Variants in EMG1 observed in about 807,000 individuals in gnomAD.
EMG1 encodes the protein ribosomal RNA small subunit methyltransferase NEP1.
In EMG1, 24 loss-of-function variants were observed where a neutral mutation model predicts 26.9. The observed-to-expected ratio is 0.89, with a 90% CI of 0.65 to 1.26. The LOEUF (loss-of-function observed/expected upper bound fraction) is 1.26. EMG1 is among the 50% of genes most tolerant of loss of function. The probability of loss-of-function intolerance (pLI) is 0.00; values close to 1 mark genes in which losing one functional copy is unlikely to be tolerated. For missense variants in EMG1, 299 were observed against 307.6 expected (o/e 0.97, Z 0.21); for synonymous variants, 140 against 112.6 (o/e 1.24, Z -1.54).
At chr12:6,990,377 C>T (rs1434407145), downstream of EMG1, among the ~76,000 whole-genome samples, 5 of 148,288 alleles carry the variant, frequency 3.4e-5, no homozygotes, top group African/African-American at 5.0e-5. Flanking sequence ...GGTGTGGTGG[C>T]GGGCACCTGT....
Position 6,975,795 on chromosome 12 carries a change from T to TG in EMG1, c.727dup (p.Val243GlyfsTer26), listed in dbSNP as rs782102656. On this transcript the variant is annotated frameshift_variant, in exon 6 of 6. Transcript: ENST00000599672. LOFTEE classifies it high-confidence loss of function. ...ACTTACCACAGCCTTTGAGGAAGTA[T>TG]GGGGGGTCATTTGACAGTAGTAGAA... 1.5e-5 allele frequency: 24 copies of TG among 1,605,318 alleles called. No homozygotes were observed. The highest frequency in any genetic ancestry group is 2.7e-5 in the African/African-American group (2 of 74,734).
chr12:6,971,571 C>G (rs1249440355), intron 1 of EMG1, among the ~76,000 whole-genome samples: 6 of 152,158 alleles, frequency 3.9e-5, no homozygotes, highest in Non-Finnish European at 7.4e-5. Context: ...CCACTGTGCC[C>G]GGCCGGTAGT....
chr12:6,972,130 G>A (rs186410457), intron 1 of EMG1, among the ~76,000 whole-genome samples: 1 of 147,064 alleles, frequency 6.8e-6, no homozygotes, highest in African/African-American at 2.5e-5. Context: ...GCAGTGGCAC[G>A]ATCTTGGCTC....
chr12:6,989,313 GT>G (rs113013257), downstream of EMG1, among the ~76,000 whole-genome samples: 21,400 of 126,262 alleles, frequency 0.17, 2,100 homozygotes, highest in African/African-American at 0.38. Flanking sequence ...CAAAATGCGT[GT>G]TTTTTTTTTT....
intron 3 of EMG1, 179 bp downstream of exon 3, chr12:6,974,872 G>C: frequency 7.3e-6 from 6 of 821,442 alleles, no homozygotes; most frequent in Non-Finnish European, 1.2e-5. Context: ...TCCTGTTCTT[G>C]CAGTAGCTTC....
chr12:6,974,593 C>T lies in EMG1; in HGVS notation c.312C>T (p.Gly104=). 6.2e-7 allele frequency: 1 copy of T among 1,613,992 alleles called. No homozygotes were observed. The highest frequency in any genetic ancestry group is 1.1e-5 in the South Asian group (1 of 91,076). Residue 104 remains glycine, a synonymous_variant, in exon 3 of 6, where the codon GGC becomes GGT. Transcript: ENST00000599672. ...MLMDSPLNRA[G]LLQVYIHTQK... Reference sequence around the variant, plus strand: ...TGGATAGTCCCCTGAACCGAGCTGGCTTGCTACAGGTTTATATCCATACAC... The same window carrying T: ...TGGATAGTCCCCTGAACCGAGCTGGTTTGCTACAGGTTTATATCCATACAC...
At chr12:6,985,173 T>C (rs7977677) in intron 6 of EMG1, among the ~76,000 whole-genome samples, 18,132 of 145,762 alleles carry the variant, frequency 0.12, 1,725 homozygotes, top group African/African-American at 0.27. Context: ...GGGCGGATCA[T>C]GAGGACAGGA....
chr12:6,993,472 A>G (rs782005473), intron 7 of EMG1, among the ~76,000 whole-genome samples: 7 of 151,916 alleles, frequency 4.6e-5, no homozygotes, highest in African/African-American at 1.4e-4. Flanking sequence ...CATCCCCACT[A>G]TCTATCTAAT....
chr12:6,972,057 C>CT (rs1243560721), intron 1 of EMG1, among the ~76,000 whole-genome samples: 2 of 147,594 alleles, frequency 1.4e-5, no homozygotes, highest in Non-Finnish European at 3.0e-5. Context: ...AATCTTCGTT[C>CT]TAAATACACT....
Position 6,977,494 on chromosome 12 carries a change from A to G in EMG1, c.*1685A>G, listed in dbSNP as rs782459858. 7.4e-6 allele frequency: 12 copies of G among 1,614,220 alleles called. No homozygotes were observed. The African/African-American group carries it at 1.5e-4, about 20-fold the overall frequency. ...GACAGTAATGGCGGCCAGCTTGCTC[A>G]GGGTGGGGCTCTCTTGAATGAGCCT... On this transcript the variant is annotated 3_prime_UTR_variant, in exon 6 of 6. Coordinates refer to ENST00000599672, the MANE Select transcript of EMG1 (RefSeq NM_006331.8). The surrounding 1 kb of genome is among the most constrained non-coding windows in gnomAD (Gnocchi z 4.5).
chr12:6,975,216 T>C lies in EMG1; in HGVS notation c.472-13T>C. 6.2e-7 allele frequency: 1 copy of C among 1,613,938 alleles called. No homozygotes were observed. ...TGTTTCTGGGGCTGACTTTTCTCTC[T>C]TTTTTACTTTAGGTAATTAAGAATC... On this transcript the variant is annotated splice_polypyrimidine_tract_variant and intron_variant, in intron 4 of 5. Coordinates refer to ENST00000599672, the MANE Select transcript of EMG1 (RefSeq NM_006331.8).
At position 6,977,861 on chromosome 12, in the gene EMG1, T is replaced by C. The variant is rs1459250730; in HGVS notation, c.*2052T>C. On this transcript the variant is annotated 3_prime_UTR_variant, in exon 6 of 6. Transcript: ENST00000599672. The surrounding 1 kb of genome is among the most constrained non-coding windows in gnomAD (Gnocchi z 4.5). ...TGGAGTGCTGGTGGGTTCCCACGTG[T>C]AGCCCCCAGAGGGTACAGGAGGCAG... 1.1e-5 allele frequency: 14 copies of C among 1,231,422 alleles called. No homozygotes were observed. The highest frequency in any genetic ancestry group is 1.4e-5 in the Non-Finnish European group (12 of 854,100). 76.3% of individuals were successfully genotyped at this position (1,231,422 alleles called of 1,614,324 possible).
rs782057653 is a variant in EMG1 at position 6,977,202 on chromosome 12, G to A, written c.*1393G>A. 1 of 1,613,866 alleles carries A rather than the reference G, an allele frequency of 6.2e-7. No homozygotes were observed. ...GGCACCATTGCTTTGTGAATATAAGGCAATATGAATAGTAGGCTCAGGAAG... is the reference window on the plus strand; with the variant it reads ...GGCACCATTGCTTTGTGAATATAAGACAATATGAATAGTAGGCTCAGGAAG... On this transcript the variant is annotated 3_prime_UTR_variant, in exon 6 of 6. Transcript: ENST00000599672. This position sits in a 1 kb window ranked among gnomAD's most constrained non-coding sequence, Gnocchi z 4.5.
rs1946431615 is a variant in EMG1 at position 6,978,225 on chromosome 12, G to A, written c.*2416G>A. 2.4e-6 allele frequency: 3 copies of A among 1,227,790 alleles called. No homozygotes were observed. Among genetic ancestry groups the A allele is most frequent in the South Asian group, 1.5e-5 (1 of 66,550 alleles). The allele number at this position is 1,227,790 out of a possible 1,614,324, so 76.1% of individuals were successfully genotyped here. A position where few individuals can be genotyped will look rare whatever the true frequency, so the allele number is the denominator to read the frequency against. ...GGTCAAAGTCAGTGTGAGCGACAGG[G>A]GGTTCTGCCCAGATGGGAAAGACGC... On this transcript the variant is annotated 3_prime_UTR_variant, in exon 6 of 6. Coordinates refer to ENST00000599672, the MANE Select transcript of EMG1 (RefSeq NM_006331.8).
At chr12:6,972,497 G>A (rs781922646) in intron 1 of EMG1, among the ~76,000 whole-genome samples, 18 of 149,846 alleles carry the variant, frequency 1.2e-4, no homozygotes, top group Admixed American at 9.9e-4. Context: ...TCCAAAACTT[G>A]TATTTGTATA....
At chr12:6,988,201 C>T (rs1401769891) in exon 8 of EMG1, 1 of 172,004 alleles carries the variant, frequency 5.8e-6, no homozygotes, top group East Asian at 1.5e-4. Flanking sequence ...TGTTGAGTTC[C>T]AAACAGGTGA....
chr12:6,975,896 T>C lies in EMG1; in HGVS notation c.*87T>C. 3.7e-6 allele frequency: 3 copies of C among 807,174 alleles called. No homozygotes were observed. Among genetic ancestry groups the C allele is most frequent in the Non-Finnish European group, 6.5e-6 (3 of 464,786 alleles). 50.0% of individuals were successfully genotyped at this position (807,174 alleles called of 1,614,324 possible). On this transcript the variant is annotated 3_prime_UTR_variant, in exon 6 of 6. Transcript: ENST00000599672. ...GAGCTGACTGCTGGAAGATGATCTTTCTGCACTGAGACTGTGGAGTTTGGG... is the reference window on the plus strand; with the variant it reads ...GAGCTGACTGCTGGAAGATGATCTTCCTGCACTGAGACTGTGGAGTTTGGG...
At position 6,987,600 on chromosome 12, in the gene EMG1, G is replaced by T. The variant is rs1416227041; in HGVS notation, c.*155-182G>T. Among the ~76,000 whole-genome samples the T allele has an allele frequency of 4.0e-5, 6 of 151,796 alleles. 1 individual carries two copies. On this transcript the variant is annotated intron_variant and NMD_transcript_variant, in intron 6 of 7. Coordinates refer to the EMG1 transcript ENST00000261406. This position sits in a 1 kb window ranked among gnomAD's most constrained non-coding sequence, Gnocchi z 4.1. ...ATTTTTACTTTTGTTTTAGTAACGGGGTATAAATAAAAAAATATAAAACAG... is the reference window on the plus strand; with the variant it reads ...ATTTTTACTTTTGTTTTAGTAACGGTGTATAAATAAAAAAATATAAAACAG...
rs1343426563 is a variant in EMG1 at position 6,975,106 on chromosome 12, G to A, written c.429G>A (p.Lys143=). Residue 143 remains lysine, a synonymous_variant, in exon 4 of 6, where the codon AAG becomes AAA. Transcript: ENST00000599672. ...CCCTTCTAGTTCAACTTTTACACAA[G>A]CTCAGTGTTCGAGCAGCTGATGGCC... ...FCGLMVQLLH[K]LSVRAADGPQ... is the part of the protein sequence containing the mutation. 31 of 1,613,918 alleles carry A rather than the reference G, an allele frequency of 1.9e-5. No homozygotes were observed. Among genetic ancestry groups the A allele is most frequent in the Non-Finnish European group, 2.6e-5 (31 of 1,179,912 alleles).
Sources: gnomAD v4.1 joint callset for allele counts (sites outside exome capture counted in the v4.1 genomes callset) on GRCh38, gnomAD v4.1.1 for gene constraint, Gnocchi (gnomAD v3.1) non-coding constraint, MANE v1.5 for transcripts, NCBI Gene and HGNC (gene_info 2026-07-23, HGNC 2026-07-21) for gene names.